The following RESF1 variants were observed in gnomAD, a reference collection of about 807,000 sequenced individuals.
RESF1 encodes the protein retroelement silencing factor 1.
A neutral mutation model predicts 134.7 loss-of-function variants in RESF1; 65 were observed. The observed-to-expected ratio is 0.48, with a 90% confidence interval of 0.40 to 0.59. RESF1 has a LOEUF of 0.59. RESF1 is among the 20% of genes least tolerant of loss of function. RESF1 has a pLI of 0.00. For missense variants in RESF1, 2,274 were observed against 2,002.7 expected, an observed-to-expected ratio of 1.14 and a Z score of -2.59; for synonymous variants, 762 against 702.2, an observed-to-expected ratio of 1.09 and a Z score of -1.35.
At chr12:31,973,232 T>C (rs1461578192) in intron 3 of RESF1, among the ~76,000 whole-genome samples, 1 of 152,162 alleles carries the variant, frequency 6.6e-6, no homozygotes, top group Non-Finnish European at 1.5e-5. Context: ...CACAAGTAGA[T>C]TATGCCATCC....
intron 3 of RESF1, among the ~76,000 whole-genome samples, chr12:31,979,490 T>G (rs1939720939): frequency 6.6e-6 from 1 of 152,128 alleles, no homozygotes; most frequent in South Asian, 2.1e-4. Flanking sequence ...CACTTCAGTG[T>G]GTTCTGTTCA....
chr12:31,981,907 A>G lies in RESF1; in HGVS notation c.952A>G (p.Thr318Ala), dbSNP rs1360946538. The change falls in exon 4 of 6, where the codon ACC becomes GCC. Residue 318 changes from threonine to alanine, a missense_variant. Transcript: ENST00000312561. Reference protein sequence around the residue: ...SREMLSSEIRTSFQQQWQNPN... With the variant: ...SREMLSSEIRASFQQQWQNPN... ...AGAAATGCTGTCATCTGAAATAAGG[A>G]CCAGCTTTCAACAGCAGTGGCAAAA... is the stretch of plus-strand genomic sequence containing the variant. 1 of 1,614,100 alleles carries G rather than the reference A, an allele frequency of 6.2e-7. No homozygotes were observed. The highest frequency in any genetic ancestry group is 2.2e-5 in the East Asian group (1 of 44,898).
rs372551433 is a variant in RESF1, at chr12:31,981,269, C to T, written c.314C>T (p.Thr105Ile). Residue 105 changes from threonine (T) to isoleucine (I), a missense_variant, in exon 4 of 6, where the codon ACT becomes ATT. Transcript: ENST00000312561. ...AATGTTAATGGACCCAAACAACTAACTCACAATTTGCAGATGTCTTCAGGA... is the reference window on the plus strand; with the variant it reads ...AATGTTAATGGACCCAAACAACTAATTCACAATTTGCAGATGTCTTCAGGA... ...YANVNGPKQL[T>I]HNLQMSSGVT... 6.2e-7 allele frequency: 1 copy of T among 1,614,036 alleles called. No homozygotes were observed. The highest frequency in any genetic ancestry group is 1.3e-5 in the African/African-American group (1 of 74,928).
chr12:31,960,298 G>C (rs1939231459), intron 1 of RESF1, among the ~76,000 whole-genome samples: 1 of 152,110 alleles, frequency 6.6e-6, no homozygotes, highest in Non-Finnish European at 1.5e-5. Context: ...ATAAGGATGT[G>C]TATGAGCTTG....
chr12:31,985,132 G>A lies in RESF1; in HGVS notation c.4177G>A (p.Asp1393Asn). 1 of 1,548,116 alleles carries A rather than the reference G, an allele frequency of 6.5e-7. No homozygotes were observed. The highest frequency in any genetic ancestry group is 1.3e-5 in the South Asian group (1 of 78,506). The change falls in exon 4 of 6, where the codon GAT (aspartate) becomes AAT (asparagine). Residue 1393 changes from aspartate (D) to asparagine (N), a missense_variant. By Grantham distance (23) the Asp-to-Asn change is conservative. Coordinates refer to ENST00000312561, the MANE Select transcript of RESF1 (RefSeq NM_018169.4). ...TATGGAAGTAAAGAAAAAGAAACATGATAAACAAGAACAGAAAGGAAGTGT... is the reference window on the plus strand; with the variant it reads ...TATGGAAGTAAAGAAAAAGAAACATAATAAACAAGAACAGAAAGGAAGTGT... ...LDMEVKKKKH[D>N]KQEQKGSVGA...
rs1378013439 is a variant in RESF1, at chr12:31,984,758, C to G, written c.3803C>G (p.Pro1268Arg). ...DTPKTKHKSL[P>R]RTEQELVAGQ... The stretch of plus-strand genomic sequence containing the variant: ...CCCAAAACAAAACATAAAAGCTTAC[C>G]AAGGACAGAACAAGAATTAGTTGCT... Residue 1268 changes from proline (P) to arginine (R), a missense_variant, in exon 4 of 6, where the codon CCA (proline) becomes CGA (arginine). By Grantham distance (103) the Pro-to-Arg change is moderately radical. Coordinates refer to ENST00000312561, the MANE Select transcript of RESF1 (RefSeq NM_018169.4). 1.2e-6 allele frequency: 2 copies of G among 1,612,046 alleles called. No homozygotes were observed. Among genetic ancestry groups the G allele is most frequent in the African/African-American group, 1.3e-5 (1 of 74,810 alleles).
intron 5 of RESF1, among the ~76,000 whole-genome samples, chr12:31,991,437 G>C (rs1384273961): frequency 6.6e-6 from 1 of 152,140 alleles, no homozygotes; most frequent in African/African-American, 2.4e-5. Context: ...CACCCATTCA[G>C]GTAGAAAAAG....
rs1271032649 is a variant in RESF1 at position 31,982,911 on chromosome 12, A to G, written c.1956A>G (p.Gly652=). 6.2e-7 allele frequency: 1 copy of G among 1,614,104 alleles called. No individual in the cohort carries two copies. Among genetic ancestry groups the G allele is most frequent in the South Asian group, 1.1e-5 (1 of 91,080 alleles). ...GRVLDNSFCS[G]QESSTKGMPA... ...TTTTGGACAACTCCTTTTGCAGTGG[A>G]CAAGAATCCTCAACAAAAGGAATGC... The change falls in exon 4 of 6, where the codon GGA becomes GGG. Residue 652 remains glycine, a synonymous_variant. Coordinates refer to ENST00000312561, the MANE Select transcript of RESF1 (RefSeq NM_018169.4).
At position 31,983,563 on chromosome 12, in the gene RESF1, A is replaced by T. The variant is rs764881171; in HGVS notation, c.2608A>T (p.Met870Leu). ...NKLESAIHSPMNDQQISQESR... is the reference protein window; with the variant it reads ...NKLESAIHSPLNDQQISQESR... ...ATTAGAGTCAGCTATCCATTCTCCT[A>T]TGAACGATCAGCAAATCTCACAGGA... Residue 870 changes from methionine (M) to leucine (L), a missense_variant, in exon 4 of 6, where the codon ATG (methionine) becomes TTG (leucine). Coordinates refer to ENST00000312561, the MANE Select transcript of RESF1 (RefSeq NM_018169.4). 6.2e-7 allele frequency: 1 copy of T among 1,614,060 alleles called. No homozygotes were observed. The highest frequency in any genetic ancestry group is 8.5e-7 in the Non-Finnish European group (1 of 1,179,920).
At chr12:31,968,399 A>G (rs1031396752) in intron 2 of RESF1, among the ~76,000 whole-genome samples, 4 of 152,032 alleles carry the variant, frequency 2.6e-5, no homozygotes, top group Non-Finnish European at 4.4e-5. Flanking sequence ...AGAAAAGGAA[A>G]CAGAAGTGGT....
At chr12:31,991,743 G>A (rs1940096467) in intron 5 of RESF1, among the ~76,000 whole-genome samples, 1 of 152,166 alleles carries the variant, frequency 6.6e-6, no homozygotes, top group Admixed American at 6.5e-5. Context: ...TCAAAACAGG[G>A]TTTCGCCATG....
At position 31,981,799 on chromosome 12, in the gene RESF1, T is replaced by TA; in HGVS notation, c.845dup (p.Tyr282Ter). 1 of 1,613,896 alleles carries TA rather than the reference T, an allele frequency of 6.2e-7. No individual in the cohort carries two copies. Among genetic ancestry groups the TA allele is most frequent in the Non-Finnish European group, 8.5e-7 (1 of 1,179,932 alleles). Residue 282 changes from tyrosine (Y) to a stop codon, truncating the protein, a stop_gained and frameshift_variant, in exon 4 of 6, where the codon TAC becomes TAAC. Transcript: ENST00000312561. LOFTEE classifies it high-confidence loss of function. ...TGACAAAAGACCTCCTCCTCCTCCTTACAACTGTAGATATGGAAGCCAGCC... is the reference window on the plus strand; with the variant it reads ...TGACAAAAGACCTCCTCCTCCTCCTTAACAACTGTAGATATGGAAGCCAGCC... Reference protein sequence around the residue: ...QTDKRPPPPPYNCRYGSQPLQ... With the variant: ...QTDKRPPPPP
Position 31,982,047 on chromosome 12 carries a change from T to G in RESF1, c.1092T>G (p.Leu364=). 2 of 1,614,134 alleles carry G rather than the reference T, an allele frequency of 1.2e-6. No individual in the cohort carries two copies. The highest frequency in any genetic ancestry group is 1.7e-6 in the Non-Finnish European group (2 of 1,180,026). Reference sequence around the variant, plus strand: ...CTTCTGTGGATGGTGTTCAGACTCTTGCTCAAACTAATGAAGAGAAAATAA... The same window carrying G: ...CTTCTGTGGATGGTGTTCAGACTCTGGCTCAAACTAATGAAGAGAAAATAA... ...IRSSVDGVQT[L]AQTNEEKIMD... is the part of the protein sequence containing the mutation. Residue 364 remains leucine (L), a synonymous_variant, in exon 4 of 6, where the codon CTT becomes CTG. Transcript: ENST00000312561.
intron 5 of RESF1, among the ~76,000 whole-genome samples, chr12:31,990,699 A>G (rs936062425): frequency 4.6e-5 from 7 of 152,168 alleles, no homozygotes; most frequent in African/African-American, 1.4e-4. Flanking sequence ...TCAGCCTGCC[A>G]AAGTGCTGGG....
At chr12:31,990,595 C>T (rs761531628) in intron 5 of RESF1, among the ~76,000 whole-genome samples, 1 of 152,076 alleles carries the variant, frequency 6.6e-6, no homozygotes, top group Non-Finnish European at 1.5e-5. Flanking sequence ...CGTGAACCAC[C>T]TCACCTGGCT....
chr12:31,967,438 C>T (rs975153994), intron 2 of RESF1, among the ~76,000 whole-genome samples: 5 of 152,184 alleles, frequency 3.3e-5, no homozygotes, highest in South Asian at 2.1e-4. Flanking sequence ...CCTCAGCTTA[C>T]GATGGAGTTA....
intron 3 of RESF1, among the ~76,000 whole-genome samples, chr12:31,976,385 A>G (rs1411923394): frequency 6.6e-6 from 1 of 152,230 alleles, no homozygotes; most frequent in Non-Finnish European, 1.5e-5. Context: ...TGTTACATGT[A>G]TTATATGCTG....
chr12:31,974,693 A>G (rs1278566825), intron 3 of RESF1, among the ~76,000 whole-genome samples: 1 of 152,164 alleles, frequency 6.6e-6, no homozygotes. Context: ...TGGGGAGGGT[A>G]CAATTCAGTT....
At position 31,981,863 on chromosome 12, in the gene RESF1, T is replaced by C. The variant is rs1374510430; in HGVS notation, c.908T>C (p.Met303Thr). ...CAGCATATTACTAAACACTTGTCTA[T>C]GGAAGTTCCTCAGAGTCGAGAAATG... ...STQHITKHLS[M>T]EVPQSREMLS... Residue 303 changes from methionine (M) to threonine (T), a missense_variant, in exon 4 of 6, where the codon ATG becomes ACG. Transcript: ENST00000312561. The C allele has an allele frequency of 2.5e-6, 4 of 1,613,992 alleles. No homozygotes were observed. The Admixed American group carries it at 6.7e-5, about 27-fold the overall frequency.
Sources: gnomAD v4.1 joint callset for allele counts (sites outside exome capture counted in the v4.1 genomes callset) on GRCh38, gnomAD v4.1.1 for gene constraint, MANE v1.5 for transcripts, NCBI Gene and HGNC (gene_info 2026-07-23, HGNC 2026-07-21) for gene names.